The following SYT1 variants were observed in gnomAD, a reference collection of about 807,000 sequenced individuals.
SYT1 encodes the protein synaptotagmin 1.
SYT1 carries 8 observed loss-of-function variants against 44.8 expected under a neutral mutation model. That is an observed-to-expected ratio of 0.18 (90% CI 0.10 to 0.32). The LOEUF (loss-of-function observed/expected upper bound fraction) is 0.32, where lower values mean the gene tolerates loss of function less well. Ranked by LOEUF, SYT1 falls within the 10% of genes least tolerant of loss-of-function variation. The pLI is 1.00. For missense variants in SYT1, 286 were observed against 509.3 expected, an observed-to-expected ratio of 0.56 and a Z score of 4.22; for synonymous variants, 154 against 188.8, an observed-to-expected ratio of 0.82 and a Z score of 1.51.
chr12:79,121,672 G>A (rs946759289), intron 3 of SYT1, among the ~76,000 whole-genome samples: 7 of 152,126 alleles, frequency 4.6e-5, no homozygotes, highest in East Asian at 1.9e-4. Flanking sequence ...GCAATGAGTC[G>A]GCTGCACTTG....
At chr12:79,032,432 G>A (rs918801317) in intron 2 of SYT1, among the ~76,000 whole-genome samples, 3 of 151,178 alleles carry the variant, frequency 2.0e-5, no homozygotes, top group Non-Finnish European at 3.0e-5. Context: ...ATTTGTTGAT[G>A]TTTGCCTGTT....
intron 9 of SYT1, among the ~76,000 whole-genome samples, chr12:79,362,433 A>C (rs1337537910): frequency 6.6e-6 from 1 of 152,140 alleles, no homozygotes; most frequent in Non-Finnish European, 1.5e-5. Context: ...TTGCTACCCC[A>C]AAAAAGGCTT....
chr12:79,228,718 G>A (rs932215721), intron 4 of SYT1, among the ~76,000 whole-genome samples: 8 of 152,114 alleles, frequency 5.3e-5, no homozygotes, highest in Admixed American at 1.3e-4. Flanking sequence ...CTCCTTGAGC[G>A]ATTTCACCAC....
Position 79,379,526 on chromosome 12 carries a change from G to A in SYT1, c.928+25907G>A, listed in dbSNP as rs145271984. Among the ~76,000 whole-genome samples the A allele has an allele frequency of 4.3e-3, 654 of 152,138 alleles. 3 individuals are homozygous for A. The highest frequency in any genetic ancestry group is 0.014 in the African/African-American group (585 of 41,526). On this transcript the variant is annotated intron_variant, in intron 9 of 10. Coordinates refer to ENST00000261205, the MANE Select transcript of SYT1 (RefSeq NM_005639.3). ...ACACGAAATCCACATGAAGCCTCCC[G>A]GTATTTTATGGCAAGTCCTACTTAG...
At chr12:79,005,231 A>G (rs138204821) in intron 2 of SYT1, among the ~76,000 whole-genome samples, 7 of 152,178 alleles carry the variant, frequency 4.6e-5, no homozygotes, top group Non-Finnish European at 4.4e-5. Flanking sequence ...TAATGAGCTC[A>G]TAATATATCT....
chr12:79,397,070 T>C (rs970622090), intron 9 of SYT1, among the ~76,000 whole-genome samples: 5 of 152,208 alleles, frequency 3.3e-5, no homozygotes, highest in Non-Finnish European at 4.4e-5. Context: ...GTTCGAGGAA[T>C]ATCCAGGAAG....
chr12:79,375,255 C>T (rs1883946736), intron 9 of SYT1, among the ~76,000 whole-genome samples: 1 of 152,144 alleles, frequency 6.6e-6, no homozygotes, highest in Non-Finnish European at 1.5e-5. Flanking sequence ...AGTACTTAAC[C>T]TCCACTGGAG....
intron 4 of SYT1, among the ~76,000 whole-genome samples, chr12:79,227,084 C>G (rs1875565179): frequency 6.6e-6 from 1 of 152,074 alleles, no homozygotes; most frequent in Non-Finnish European, 1.5e-5. Flanking sequence ...ACTTGAAATT[C>G]CCACTTGTAA....
chr12:79,245,476 A>C (rs1053863266), intron 4 of SYT1, among the ~76,000 whole-genome samples: 10 of 148,502 alleles, frequency 6.7e-5, no homozygotes, highest in South Asian at 2.1e-4. Context: ...CCGTCAACAA[A>C]AAAAAAAAAA....
At chr12:79,325,318 T>C (rs1881562109) in intron 8 of SYT1, among the ~76,000 whole-genome samples, 1 of 152,136 alleles carries the variant, frequency 6.6e-6, no homozygotes, top group Admixed American at 6.6e-5. Context: ...AGAATGTGAT[T>C]AGCACACCTT....
chr12:79,072,531 G>T (rs1565792949), intron 3 of SYT1, among the ~76,000 whole-genome samples: 1 of 151,972 alleles, frequency 6.6e-6, no homozygotes, highest in Non-Finnish European at 1.5e-5. Flanking sequence ...TAATATTTGA[G>T]TTTTTTATAG....
At chr12:79,334,254 T>TAA (rs201737923) in intron 8 of SYT1, among the ~76,000 whole-genome samples, 1 of 147,780 alleles carries the variant, frequency 6.8e-6, no homozygotes, top group African/African-American at 2.5e-5. Context: ...TTCCCACAGT[T>TAA]AAAAAAAAAA....
intron 8 of SYT1, among the ~76,000 whole-genome samples, chr12:79,346,274 C>T (rs1882601937): frequency 6.6e-6 from 1 of 152,094 alleles, no homozygotes; most frequent in Non-Finnish European, 1.5e-5. Context: ...GTATTTTTGT[C>T]GTTGTCTAGT....
chr12:79,124,974 T>A (rs1868356450), intron 3 of SYT1, among the ~76,000 whole-genome samples: 2 of 152,070 alleles, frequency 1.3e-5, no homozygotes, highest in South Asian at 4.1e-4. Context: ...GGGGAAAAAA[T>A]TGGAATGTCA....
In SYT1 at chr12:79,335,820, T is replaced by A. The variant is rs551710692; in HGVS notation, c.811-17682T>A. ...ACATATAAAGGACATCTCTGGCTGT[T>A]CCAGCAACAGCCAGAACTTGTTTCT... On this transcript the variant is annotated intron_variant, in intron 8 of 10. Coordinates refer to ENST00000261205, the MANE Select transcript of SYT1 (RefSeq NM_005639.3). 3.3e-5 allele frequency among the ~76,000 whole-genome samples: 5 copies of A among 152,336 alleles called. No individual in the cohort carries two copies. In the East Asian group the frequency reaches 9.7e-4, roughly 29 times the overall value.
At chr12:79,028,542 G>T (rs993142108) in intron 2 of SYT1, among the ~76,000 whole-genome samples, 1 of 151,304 alleles carries the variant, frequency 6.6e-6, no homozygotes, top group South Asian at 2.1e-4. Context: ...CATATCCAGG[G>T]CACTTAGCAC....
chr12:79,023,734 A>G (rs1204652503), intron 2 of SYT1, among the ~76,000 whole-genome samples: 7 of 151,754 alleles, frequency 4.6e-5, no homozygotes, highest in Non-Finnish European at 1.0e-4. Context: ...ACTCTTTACC[A>G]AGCTTCATCA....
At chr12:79,063,708 G>A (rs912226227) in intron 3 of SYT1, among the ~76,000 whole-genome samples, 4 of 152,076 alleles carry the variant, frequency 2.6e-5, no homozygotes, top group African/African-American at 7.2e-5. Context: ...CTCTGAAATG[G>A]GAATTGGGTA....
chr12:79,075,047 A>G (rs935922320), intron 3 of SYT1, among the ~76,000 whole-genome samples: 2 of 152,194 alleles, frequency 1.3e-5, no homozygotes, highest in African/African-American at 4.8e-5. Flanking sequence ...TGTACCATAC[A>G]CATATTGTAT....
Sources: allele counts gnomAD v4.1 joint callset (sites outside exome capture counted in the v4.1 genomes callset), GRCh38; gene constraint gnomAD v4.1.1; transcripts MANE v1.5; gene names NCBI Gene and HGNC (gene_info 2026-07-23, HGNC 2026-07-21).